TNR: variants seen among roughly 807,000 people sequenced by gnomAD.
TNR encodes the protein tenascin R.
TNR carries 45 observed loss-of-function variants against 150.4 expected under a neutral mutation model. That is an observed-to-expected ratio of 0.30 (90% CI 0.24 to 0.38). The LOEUF is 0.38. Among genes scored for constraint, TNR ranks in the 10% least tolerant of loss-of-function variants. TNR has a pLI of 1.00. For synonymous variants in TNR, 687 were observed against 678.4 expected (o/e 1.01, Z -0.20); for missense variants, 1,544 against 1,759.1 (o/e 0.88, Z 2.19).
chr1:175,453,847 ACAGTCATGAGCCAC>A (rs1219683068), intron 2 of TNR, among the ~76,000 whole-genome samples: 1 of 152,180 alleles, frequency 6.6e-6, no homozygotes, highest in Non-Finnish European at 1.5e-5. Flanking sequence ...TGCTGGTGTT[ACAGTCATGAGCCAC>A]TGTGCCTGGC....
At chr1:175,639,728 T>C (rs1197113290) in intron 1 of TNR, among the ~76,000 whole-genome samples, 2 of 152,238 alleles carry the variant, frequency 1.3e-5, no homozygotes, top group African/African-American at 4.8e-5. Flanking sequence ...CAAGGACTTC[T>C]AGCTTAGTCC....
At chr1:175,559,178 G>T (rs886186709) in intron 1 of TNR, among the ~76,000 whole-genome samples, 1 of 152,160 alleles carries the variant, frequency 6.6e-6, no homozygotes, top group Non-Finnish European at 1.5e-5. Context: ...CTAGCTAATG[G>T]ATATGTGGTT....
chr1:175,427,850 TTTCC>T (rs201488053), intron 2 of TNR, among the ~76,000 whole-genome samples: 5,376 of 137,792 alleles, frequency 0.039, 144 homozygotes, highest in African/African-American at 0.049. Context: ...TTCCCTCTTT[TTTCC>T]TTCCTTCCTT....
chr1:175,564,152 C>A (rs1661544534), intron 1 of TNR, among the ~76,000 whole-genome samples: 1 of 152,248 alleles, frequency 6.6e-6, no homozygotes. Context: ...TCCCACTCTG[C>A]TCTCCAAGAC....
chr1:175,461,354 A>G (rs985025365), intron 2 of TNR, among the ~76,000 whole-genome samples: 1 of 152,182 alleles, frequency 6.6e-6, no homozygotes, highest in Admixed American at 6.5e-5. Flanking sequence ...GCTCCCAACA[A>G]AATGTTTTAC....
intron 2 of TNR, among the ~76,000 whole-genome samples, chr1:175,417,011 AAAAGAAAGAAAGAAAGAAAGAAAG>A (rs61354589): frequency 8.8e-5 from 8 of 90,904 alleles, no homozygotes; most frequent in African/African-American, 1.8e-4. Flanking sequence ...CCATCTCAAA[AAAAGAAAGAAAGAAAGAAAGAAAG>A]AAAGAAAGAA....
At chr1:175,544,270 T>C (rs1252422564) in intron 1 of TNR, among the ~76,000 whole-genome samples, 3 of 152,154 alleles carry the variant, frequency 2.0e-5, no homozygotes, top group Non-Finnish European at 2.9e-5. Context: ...AGAGAATAAC[T>C]GATGGCTAAA....
chr1:175,390,742 G>A (rs975552231), intron 7 of TNR, among the ~76,000 whole-genome samples: 2 of 152,194 alleles, frequency 1.3e-5, no homozygotes, highest in African/African-American at 4.8e-5. Flanking sequence ...AGTATGTTCT[G>A]AGTATATGTG....
intron 1 of TNR, among the ~76,000 whole-genome samples, chr1:175,625,855 A>G (rs1334046935): frequency 6.6e-6 from 1 of 152,176 alleles, no homozygotes; most frequent in Non-Finnish European, 1.5e-5. Context: ...GGCTGAAATG[A>G]TATCAAACCA....
chr1:175,634,570 G>A (rs983094952), intron 1 of TNR, among the ~76,000 whole-genome samples: 3 of 152,202 alleles, frequency 2.0e-5, no homozygotes, highest in African/African-American at 7.2e-5. Context: ...GTGAAAATGT[G>A]GGCGTTGTTT....
At chr1:175,645,990 A>C (rs888491434) in intron 1 of TNR, among the ~76,000 whole-genome samples, 11 of 152,228 alleles carry the variant, frequency 7.2e-5, no homozygotes, top group Non-Finnish European at 1.6e-4. Flanking sequence ...AAGGGCCACA[A>C]GAAAGGATTT....
chr1:175,615,614 G>C (rs1014978971), intron 1 of TNR, among the ~76,000 whole-genome samples: 1 of 150,148 alleles, frequency 6.7e-6, no homozygotes, highest in Non-Finnish European at 1.5e-5. Flanking sequence ...CTCTAATCCT[G>C]TTCCTGACTC....
chr1:175,356,409 C>A lies in TNR; in HGVS notation c.3028G>T (p.Asp1010Tyr). Reference protein sequence around the residue: ...DGVSEEFRLVDLLPSTHYTAT... With the variant: ...DGVSEEFRLVYLLPSTHYTAT... ...GTATAGTGGGTGCTAGGAAGCAGGT[C>A]AACAAGCCGAAATTCCTCACTGACT... The change falls in exon 16 of 23, where the codon GAC becomes TAC. Residue 1010 changes from aspartate to tyrosine, a missense_variant. Asp to Tyr is a radical substitution (Grantham distance 160). Coordinates refer to ENST00000367674, the MANE Select transcript of TNR (RefSeq NM_003285.3). 1 of 1,613,982 alleles carries A rather than the reference C, an allele frequency of 6.2e-7. No individual in the cohort carries two copies.
At position 175,484,961 on chromosome 1, in the gene TNR, T is replaced by A. The variant is rs146960751; in HGVS notation, c.-64+43308A>T. 2.0e-3 allele frequency among the ~76,000 whole-genome samples: 307 copies of A among 152,216 alleles called. 1 individual carries two copies. The highest frequency in any genetic ancestry group is 7.1e-3 in the African/African-American group (295 of 41,536). On this transcript the variant is annotated intron_variant, in intron 2 of 22. Transcript: ENST00000367674. ...AAAATAATTATGTTTCCCTCAATGA[T>A]CCCAGCAAAGAAGTTTGCTCTCCTA...
At chr1:175,505,052 G>A (rs975669040) in intron 2 of TNR, among the ~76,000 whole-genome samples, 166 of 151,688 alleles carry the variant, frequency 1.1e-3, no homozygotes, top group Non-Finnish European at 1.9e-3. Flanking sequence ...TTGGATTCCC[G>A]CCTGCTGTGC....
chr1:175,458,962 A>G (rs1247332709), intron 2 of TNR, among the ~76,000 whole-genome samples: 2 of 151,630 alleles, frequency 1.3e-5, no homozygotes, highest in African/African-American at 4.8e-5. Context: ...CACCAACACC[A>G]TCACCACCAC....
chr1:175,672,532 G>A (rs879669328), intron 1 of TNR, among the ~76,000 whole-genome samples: 1 of 152,170 alleles, frequency 6.6e-6, no homozygotes, highest in Non-Finnish European at 1.5e-5. Flanking sequence ...AATATCCATT[G>A]ACTGACAAGC....
chr1:175,417,011 AAAAGAAAGAAAG>A (rs61354589), intron 2 of TNR, among the ~76,000 whole-genome samples: 52 of 90,904 alleles, frequency 5.7e-4, no homozygotes, highest in Non-Finnish European at 9.0e-4. Flanking sequence ...CCATCTCAAA[AAAAGAAAGAAAG>A]AAAGAAAGAA....
chr1:175,378,364 G>A (rs530505561), intron 9 of TNR, among the ~76,000 whole-genome samples: 2 of 152,100 alleles, frequency 1.3e-5, no homozygotes, highest in Non-Finnish European at 2.9e-5. Flanking sequence ...ATTCAATGAT[G>A]AGCAAAACCA....
Sources: gnomAD v4.1 joint callset for allele counts (sites outside exome capture counted in the v4.1 genomes callset) on GRCh38, gnomAD v4.1.1 for gene constraint, MANE v1.5 for transcripts, NCBI Gene and HGNC (gene_info 2026-07-23, HGNC 2026-07-21) for gene names.